The following INTU variants were observed in gnomAD, a reference collection of about 807,000 sequenced individuals.
The protein encoded by INTU is inturned planar cell polarity protein, also known as protein inturned.
In INTU, 68 loss-of-function variants were observed where a neutral mutation model predicts 100.5. The observed-to-expected ratio is 0.68, with a 90% CI of 0.56 to 0.83. The LOEUF (loss-of-function observed/expected upper bound fraction) is 0.83, where lower values mean the gene tolerates loss of function less well. Among genes scored for constraint, INTU ranks in the 40% least tolerant of loss-of-function variants. The pLI, the probability that INTU is intolerant of heterozygous loss-of-function variation, is 0.00. For synonymous variants in INTU, 357 were observed against 395.7 expected (o/e 0.90, Z 1.16); for missense variants, 1,071 against 1,114.7 (o/e 0.96, Z 0.56).
At chr4:127,639,663 G>A (rs1051835714) in intron 1 of INTU, among the ~76,000 whole-genome samples, 1 of 151,990 alleles carries the variant, frequency 6.6e-6, no homozygotes, top group African/African-American at 2.4e-5. Flanking sequence ...ACACATATTT[G>A]TGGAGTATAA....
At chr4:127,707,410 A>AAG in intron 12 of INTU, among the ~76,000 whole-genome samples, 1 of 151,230 alleles carries the variant, frequency 6.6e-6, no homozygotes, top group South Asian at 2.1e-4. Flanking sequence ...AAAAAAAAAA[A>AAG]AAAAAAAGAA....
chr4:127,641,678 T>C (rs1299735351), intron 1 of INTU, among the ~76,000 whole-genome samples: 2 of 152,154 alleles, frequency 1.3e-5, no homozygotes, highest in Admixed American at 6.6e-5. Context: ...CCCTGTGTAC[T>C]GTCATGAATT....
chr4:127,687,642 A>G lies in INTU; in HGVS notation c.1260-36A>G, dbSNP rs72918219. On this transcript the variant is annotated intron_variant, in intron 7 of 15. Transcript: ENST00000335251. Reference sequence around the variant, plus strand: ...CACACAAAAAATGACCACCATTTCCATATGTCGTTCTAACTTACAGCTCTT... The same window carrying G: ...CACACAAAAAATGACCACCATTTCCGTATGTCGTTCTAACTTACAGCTCTT... The G allele has an allele frequency of 6.2e-3, 9,554 of 1,552,342 alleles. 492 individuals carry two copies. In the African/African-American group the frequency reaches 0.11, roughly 18 times the overall value.
intron 7 of INTU, 65 bp from the exon 8 acceptor site, chr4:127,687,613 G>A (rs1190663352): frequency 4.6e-6 from 6 of 1,299,676 alleles, no homozygotes; most frequent in Non-Finnish European, 4.4e-6. Flanking sequence ...AGTTCCCTTA[G>A]GAGCACACAA....
chr4:127,709,204 C>G (rs896615368), intron 13 of INTU, among the ~76,000 whole-genome samples: 4 of 152,182 alleles, frequency 2.6e-5, no homozygotes, highest in African/African-American at 9.7e-5. Flanking sequence ...GGCTTGGCCC[C>G]TTGCCTAAAT....
In INTU at chr4:127,654,918, A is replaced by G. The variant is rs566543935; in HGVS notation, c.683-1718A>G. ...CCCATATTTCTTGGAGGCTTTGCTCATTTCTTTTTATTCTTTTTTCTCTAA... is the reference window on the plus strand; with the variant it reads ...CCCATATTTCTTGGAGGCTTTGCTCGTTTCTTTTTATTCTTTTTTCTCTAA... On this transcript the variant is annotated intron_variant, in intron 2 of 15. Coordinates refer to ENST00000335251, the MANE Select transcript of INTU (RefSeq NM_015693.4). Among the ~76,000 whole-genome samples, 1,268 of 142,458 alleles carry G rather than the reference A, an allele frequency of 8.9e-3. 9 individuals carry two copies. Among genetic ancestry groups the G allele is most frequent in the Middle Eastern group, 0.021 (6 of 284 alleles). The allele number at this position is 142,458 out of a possible 152,430, so 93.5% of individuals were successfully genotyped here. A position where few individuals can be genotyped will look rare whatever the true frequency, so the allele number is the denominator to read the frequency against.
intron 1 of INTU, among the ~76,000 whole-genome samples, chr4:127,636,958 C>G (rs1032185085): frequency 6.6e-6 from 1 of 152,086 alleles, no homozygotes; most frequent in Admixed American, 6.5e-5. Context: ...ATGGTATTAC[C>G]CTGCTGTCAT....
At chr4:127,638,847 TTTACACAATAA>T (rs1560824723) in intron 1 of INTU, among the ~76,000 whole-genome samples, 1 of 152,056 alleles carries the variant, frequency 6.6e-6, no homozygotes, top group East Asian at 1.9e-4. Context: ...TTGAAAAACA[TTTACACAATAA>T]TTATGCAGCT....
intron 14 of INTU, among the ~76,000 whole-genome samples, chr4:127,712,148 T>C (rs1482490486): frequency 6.6e-6 from 1 of 152,158 alleles, no homozygotes. Flanking sequence ...TGGAAGAACA[T>C]TGGACAAGGA....
chr4:127,712,187 C>T (rs534696923), intron 14 of INTU, among the ~76,000 whole-genome samples: 1 of 152,248 alleles, frequency 6.6e-6, no homozygotes, highest in Non-Finnish European at 1.5e-5. Context: ...AGCCTCACCT[C>T]CTATTTCCTT....
chr4:127,687,849 A>G lies in INTU; in HGVS notation c.1431A>G (p.Thr477=). The stretch of plus-strand genomic sequence containing the variant: ...ACCTCCCTGGAGTCCGGTGGCTCAC[A>G]CTTCCACTGGAAATCAAGGTAATCT... ...LDNLPGVRWL[T]LPLEIKMELD... The change falls in exon 8 of 16, where the codon ACA becomes ACG. Residue 477 remains threonine (T), a synonymous_variant. Transcript: ENST00000335251. The G allele has an allele frequency of 6.3e-7, 1 of 1,582,874 alleles. No homozygotes were observed. Among genetic ancestry groups the G allele is most frequent in the South Asian group, 1.2e-5 (1 of 85,282 alleles).
At chr4:127,691,101 C>CAT (rs1423230842) in intron 8 of INTU, among the ~76,000 whole-genome samples, 2 of 152,094 alleles carry the variant, frequency 1.3e-5, no homozygotes, top group Admixed American at 6.6e-5. Context: ...TAGTTGTAAT[C>CAT]ATATGGTATG....
At position 127,719,687 on chromosome 4, in the gene INTU, A is replaced by T. The variant is rs1731317560; in HGVS notation, c.*3251A>T. On this transcript the variant is annotated 3_prime_UTR_variant, in exon 16 of 16. Transcript: ENST00000335251. ...TTGTTATTGGTCTATTCAGTGATTC[A>T]ACTTCTTCCTGGTTCAGTCTTGGGA... The T allele has an allele frequency of 6.6e-6, 1 of 152,126 alleles. No individual in the cohort carries two copies. Among genetic ancestry groups the T allele is most frequent in the Non-Finnish European group, 1.5e-5 (1 of 68,020 alleles). The allele number at this position is 152,126 out of a possible 1,614,324, so 9.4% of individuals were successfully genotyped here.
intron 1 of INTU, among the ~76,000 whole-genome samples, chr4:127,637,839 C>T (rs561250548): frequency 3.3e-5 from 5 of 152,214 alleles, no homozygotes; most frequent in African/African-American, 1.2e-4. Flanking sequence ...AAATGTGACC[C>T]GGGGAATGAA....
At chr4:127,675,517 G>A (rs1162051667) in intron 6 of INTU, among the ~76,000 whole-genome samples, 1 of 152,198 alleles carries the variant, frequency 6.6e-6, no homozygotes, top group Non-Finnish European at 1.5e-5. Context: ...AACTTAAATA[G>A]TAAACATTTA....
At chr4:127,699,878 C>G (rs1051951613) in intron 8 of INTU, 132 bp from the exon 9 acceptor site, 7 of 553,810 alleles carry the variant, frequency 1.3e-5, no homozygotes, top group African/African-American at 3.9e-5. Context: ...TGAGACATTT[C>G]CTAAGTAACA....
chr4:127,671,859 T>C (rs1410721369), intron 5 of INTU, among the ~76,000 whole-genome samples: 1 of 152,106 alleles, frequency 6.6e-6, no homozygotes, highest in Non-Finnish European at 1.5e-5. Flanking sequence ...TGCAGCAACG[T>C]AGATAGAACT....
rs3749507 is a variant in INTU at position 127,643,845 on chromosome 4, A to G, written c.471A>G (p.Arg157=). ...AGACAGGAGTCATTGTCCAACAGCG[A>G]TACAAAGATGTGAATGTTTATGTAA... ...NQKTGVIVQQ[R]YKDVNVYVNP... The change falls in exon 2 of 16, where the codon CGA becomes CGG. Residue 157 remains arginine (R), a synonymous_variant. Transcript: ENST00000335251. 855,272 of 1,613,636 alleles carry G rather than the reference A, an allele frequency of 0.53. 229,313 individuals are homozygous for G. The highest frequency in any genetic ancestry group is 0.69 in the South Asian group (62,819 of 91,064).
intron 9 of INTU, among the ~76,000 whole-genome samples, chr4:127,702,415 G>T (rs1730688095): frequency 1.3e-5 from 2 of 152,100 alleles, no homozygotes; most frequent in African/African-American, 2.4e-5. Flanking sequence ...ATTTGTAATA[G>T]CCAAAAAGTG....
Sources: allele counts gnomAD v4.1 joint callset (sites outside exome capture counted in the v4.1 genomes callset), GRCh38; gene constraint gnomAD v4.1.1; transcripts MANE v1.5; gene names NCBI Gene and HGNC (gene_info 2026-07-23, HGNC 2026-07-21).